NPAS3: variants seen among roughly 807,000 people sequenced by gnomAD.
The protein encoded by NPAS3 is neuronal PAS domain-containing protein 3.
A neutral mutation model predicts 73.1 loss-of-function variants in NPAS3; 14 were observed. That is an observed-to-expected ratio of 0.19 (90% CI 0.13 to 0.30). The LOEUF is 0.30. NPAS3 is among the 10% of genes least tolerant of loss of function. The pLI, the probability that NPAS3 is intolerant of heterozygous loss-of-function variation, is 1.00. For missense variants in NPAS3, 1,096 were observed against 1,250.0 expected (o/e 0.88, Z 1.86); for synonymous variants, 620 against 541.5 (o/e 1.14, Z -2.01).
chr14:33,414,962 A>C (rs2048087784), intron 4 of NPAS3, among the ~76,000 whole-genome samples: 2 of 152,232 alleles, frequency 1.3e-5, no homozygotes, highest in African/African-American at 4.8e-5. Flanking sequence ...CCCAATCTCC[A>C]ATCATTAAGA....
chr14:33,110,236 A>G lies in NPAS3; in HGVS notation c.140+54242A>G, dbSNP rs57563613. Among the ~76,000 whole-genome samples the G allele has an allele frequency of 3.6e-3, 548 of 152,288 alleles. 4 individuals carry two copies. The highest frequency in any genetic ancestry group is 0.013 in the African/African-American group (525 of 41,562). On this transcript the variant is annotated intron_variant, in intron 2 of 11. Coordinates refer to ENST00000356141, the Ensembl canonical transcript of NPAS3. ...TTTAGACTGTACATGTTTACATATG[A>G]CTGATCTTTTATGATCTGCCTGTAT...
intron 4 of NPAS3, among the ~76,000 whole-genome samples, chr14:33,444,658 C>T (rs35849490): frequency 1.6e-4 from 24 of 152,186 alleles, no homozygotes; most frequent in African/African-American, 2.2e-4. Context: ...CCATGTGGAT[C>T]GGCCTGGGTA....
chr14:32,998,204 G>T (rs1481649231), intron 1 of NPAS3, among the ~76,000 whole-genome samples: 2 of 152,222 alleles, frequency 1.3e-5, no homozygotes, highest in Non-Finnish European at 2.9e-5. Context: ...CAATAAAAAG[G>T]TATGAAGTAC....
At chr14:33,759,333 T>A (rs2062211836) in intron 7 of NPAS3, among the ~76,000 whole-genome samples, 1 of 152,196 alleles carries the variant, frequency 6.6e-6, no homozygotes, top group Non-Finnish European at 1.5e-5. Flanking sequence ...AGTGGACCAA[T>A]GTTCTCTAAA....
chr14:33,079,142 G>C (rs2041772413), intron 2 of NPAS3, among the ~76,000 whole-genome samples: 1 of 151,894 alleles, frequency 6.6e-6, no homozygotes. Flanking sequence ...GTCCATTTTG[G>C]GGTTATTTTC....
At chr14:33,075,687 A>C (rs1161050708) in intron 2 of NPAS3, among the ~76,000 whole-genome samples, 3 of 152,228 alleles carry the variant, frequency 2.0e-5, no homozygotes, top group Non-Finnish European at 4.4e-5. Context: ...CAAAAGAGGG[A>C]GAACTTAAAA....
At chr14:33,532,793 G>A (rs2054101217) in intron 4 of NPAS3, among the ~76,000 whole-genome samples, 1 of 152,100 alleles carries the variant, frequency 6.6e-6, no homozygotes, top group Non-Finnish European at 1.5e-5. Flanking sequence ...CCTAAAAACA[G>A]TAGTAAGATA....
intron 2 of NPAS3, among the ~76,000 whole-genome samples, chr14:33,140,737 CCTTTT>C (rs1214110640): frequency 3.3e-5 from 5 of 152,094 alleles, no homozygotes; most frequent in African/African-American, 1.2e-4. Context: ...AGAAATTCCT[CCTTTT>C]CTTGCTGTAG....
chr14:33,331,160 A>G (rs1420068568), intron 3 of NPAS3, among the ~76,000 whole-genome samples: 1 of 152,194 alleles, frequency 6.6e-6, no homozygotes, highest in East Asian at 1.9e-4. Flanking sequence ...TTATCAGGGT[A>G]AGATCTCATC....
chr14:33,406,441 A>C (rs981642835), intron 4 of NPAS3, among the ~76,000 whole-genome samples: 1 of 152,102 alleles, frequency 6.6e-6, no homozygotes, highest in African/African-American at 2.4e-5. Context: ...TCTGTTGGCC[A>C]TGGAGGGTCC....
intron 1 of NPAS3, among the ~76,000 whole-genome samples, chr14:32,973,882 TTAAG>T (rs2037542717): frequency 6.6e-6 from 1 of 152,220 alleles, no homozygotes; most frequent in Non-Finnish European, 1.5e-5. Context: ...GAAGCCTAGT[TTAAG>T]TAACTATTTC....
intron 4 of NPAS3, among the ~76,000 whole-genome samples, chr14:33,392,570 G>C (rs2047053639): frequency 6.6e-6 from 1 of 152,126 alleles, no homozygotes; most frequent in Non-Finnish European, 1.5e-5. Flanking sequence ...ATCAACATAA[G>C]ACTTGAATTA....
intron 3 of NPAS3, among the ~76,000 whole-genome samples, chr14:33,289,344 G>A (rs2042002561): frequency 6.6e-6 from 1 of 152,034 alleles, no homozygotes; most frequent in African/African-American, 2.4e-5. Flanking sequence ...TGTGTATGTG[G>A]TATCACACAC....
intron 7 of NPAS3, among the ~76,000 whole-genome samples, chr14:33,753,922 T>C (rs551919231): frequency 6.6e-6 from 1 of 152,068 alleles, no homozygotes; most frequent in Non-Finnish European, 1.5e-5. Flanking sequence ...TGCCAGGGGC[T>C]TAAGGGACCC....
intron 6 of NPAS3, among the ~76,000 whole-genome samples, chr14:33,697,198 C>G (rs949868358): frequency 6.6e-6 from 1 of 152,166 alleles, no homozygotes; most frequent in African/African-American, 2.4e-5. Context: ...GGTTACATCA[C>G]TGAGACTTTT....
chr14:33,297,575 G>A (rs1424460756), intron 3 of NPAS3, among the ~76,000 whole-genome samples: 1 of 152,132 alleles, frequency 6.6e-6, no homozygotes, highest in East Asian at 1.9e-4. Context: ...TTGGTAAATT[G>A]ATTGCTAGTA....
At chr14:33,289,195 G>A (rs1203694607) in intron 3 of NPAS3, among the ~76,000 whole-genome samples, 3 of 152,154 alleles carry the variant, frequency 2.0e-5, no homozygotes, top group African/African-American at 7.2e-5. Context: ...ATGAGAAAGT[G>A]GGGTGCTAAA....
chr14:33,765,267 T>C (rs2062424283), intron 7 of NPAS3, among the ~76,000 whole-genome samples: 1 of 151,662 alleles, frequency 6.6e-6, no homozygotes, highest in South Asian at 2.1e-4. Context: ...AATAATTTTT[T>C]ATTTGCTCCC....
chr14:33,578,110 C>G (rs959279366), intron 5 of NPAS3: 73 of 455,250 alleles, frequency 1.6e-4, no homozygotes, highest in African/African-American at 1.4e-3. Context: ...CTCACAGATC[C>G]CTTTGCTGCT....
Sources: gnomAD v4.1 joint callset for allele counts (sites outside exome capture counted in the v4.1 genomes callset) on GRCh38, gnomAD v4.1.1 for gene constraint, MANE v1.5 for transcripts, NCBI Gene and HGNC (gene_info 2026-07-23, HGNC 2026-07-21) for gene names.